Variants in TAFA1 observed in about 807,000 individuals in gnomAD.
TAFA1 encodes the protein TAFA chemokine like family member 1.
In TAFA1, 4 loss-of-function variants were observed where a neutral mutation model predicts 18.5. That is an observed-to-expected ratio of 0.22 (90% CI 0.11 to 0.49). The LOEUF (loss-of-function observed/expected upper bound fraction) is 0.49. Ranked by LOEUF, TAFA1 falls within the 20% of genes least tolerant of loss-of-function variation. TAFA1 has a pLI of 0.98. For synonymous variants in TAFA1, 56 were observed against 55.2 expected, an observed-to-expected ratio of 1.01 and a Z score of -0.06; for missense variants, 147 against 169.0, an observed-to-expected ratio of 0.87 and a Z score of 0.72.
At chr3:68,159,760 C>A (rs896069880) in intron 2 of TAFA1, among the ~76,000 whole-genome samples, 5 of 152,100 alleles carry the variant, frequency 3.3e-5, no homozygotes, top group Non-Finnish European at 7.4e-5. Flanking sequence ...CCATTAAAAC[C>A]TATTTATGCC....
intron 2 of TAFA1, among the ~76,000 whole-genome samples, chr3:68,057,184 A>G (rs1424579768): frequency 1.3e-5 from 2 of 152,322 alleles, no homozygotes; most frequent in East Asian, 3.9e-4. Flanking sequence ...TAGGAATAGA[A>G]ACTCATAGTT....
intron 3 of TAFA1, among the ~76,000 whole-genome samples, chr3:68,436,320 G>A (rs982776408): frequency 2.6e-5 from 4 of 151,952 alleles, no homozygotes; most frequent in Non-Finnish European, 5.9e-5. Flanking sequence ...TATGATCTAC[G>A]CAAGCTTTGA....
intron 3 of TAFA1, among the ~76,000 whole-genome samples, chr3:68,454,894 C>T (rs1033532711): frequency 1.3e-5 from 2 of 151,964 alleles, no homozygotes; most frequent in African/African-American, 2.4e-5. Context: ...ACAGTTGACT[C>T]CTGATCAACA....
At chr3:68,281,479 T>C (rs2067896196) in intron 2 of TAFA1, among the ~76,000 whole-genome samples, 1 of 149,132 alleles carries the variant, frequency 6.7e-6, no homozygotes, top group South Asian at 2.2e-4. Flanking sequence ...TTTTTTTTTT[T>C]TTTTTTTTGA....
At chr3:68,382,337 A>G (rs1181248043) in intron 2 of TAFA1, among the ~76,000 whole-genome samples, 1 of 152,108 alleles carries the variant, frequency 6.6e-6, no homozygotes, top group Non-Finnish European at 1.5e-5. Flanking sequence ...TGATTGGAAT[A>G]GTTTCAGAAG....
At chr3:68,338,979 G>A (rs527346793) in intron 2 of TAFA1, among the ~76,000 whole-genome samples, 1 of 152,210 alleles carries the variant, frequency 6.6e-6, no homozygotes, top group South Asian at 2.1e-4. Flanking sequence ...GTCGTCTCAT[G>A]GTCAATAACA....
chr3:68,071,041 T>A (rs2064748027), intron 2 of TAFA1, among the ~76,000 whole-genome samples: 1 of 152,214 alleles, frequency 6.6e-6, no homozygotes, highest in South Asian at 2.1e-4. Context: ...AGTTCCAAAT[T>A]CACTTCCACA....
chr3:68,177,410 T>G (rs1278104523), intron 2 of TAFA1, among the ~76,000 whole-genome samples: 1 of 152,202 alleles, frequency 6.6e-6, no homozygotes. Context: ...AAAAAAGTCC[T>G]GGAATTCTGT....
chr3:68,146,021 G>GT (rs1164806203), intron 2 of TAFA1, among the ~76,000 whole-genome samples: 14 of 152,120 alleles, frequency 9.2e-5, no homozygotes, highest in Non-Finnish European at 1.9e-4. Flanking sequence ...GATTTTATCA[G>GT]TTTTTTCCAT....
intron 2 of TAFA1, among the ~76,000 whole-genome samples, chr3:68,282,472 A>T (rs774587669): frequency 6.6e-6 from 1 of 152,198 alleles, no homozygotes; most frequent in Admixed American, 6.5e-5. Context: ...TGTATGACTT[A>T]CTTCTTAATA....
At chr3:68,120,725 A>G (rs1420732841) in intron 2 of TAFA1, among the ~76,000 whole-genome samples, 1 of 152,178 alleles carries the variant, frequency 6.6e-6, no homozygotes, top group African/African-American at 2.4e-5. Context: ...CTGCTGTTTT[A>G]TGAAAGTTTA....
chr3:68,325,914 C>T (rs2068770522), intron 2 of TAFA1, among the ~76,000 whole-genome samples: 1 of 152,134 alleles, frequency 6.6e-6, no homozygotes, highest in Non-Finnish European at 1.5e-5. Context: ...AAATCTGAGA[C>T]TGGAACCCAG....
intron 3 of TAFA1, among the ~76,000 whole-genome samples, chr3:68,439,666 G>C (rs2106863153): frequency 6.6e-6 from 1 of 151,736 alleles, no homozygotes; most frequent in East Asian, 1.9e-4. Context: ...TGGCTGTGCT[G>C]GTAGCTGATT....
chr3:68,258,702 A>T (rs2067346678), intron 2 of TAFA1, among the ~76,000 whole-genome samples: 2 of 152,180 alleles, frequency 1.3e-5, no homozygotes, highest in South Asian at 4.1e-4. Context: ...TTTATGCCTA[A>T]TATTGGAAAT....
intron 2 of TAFA1, among the ~76,000 whole-genome samples, chr3:68,014,284 G>A (rs1289191535): frequency 6.6e-6 from 1 of 152,300 alleles, no homozygotes; most frequent in East Asian, 1.9e-4. Flanking sequence ...AGGATCAGCA[G>A]GCCAGCAGGT....
intron 2 of TAFA1, among the ~76,000 whole-genome samples, chr3:68,210,254 C>T (rs1469252557): frequency 6.6e-6 from 1 of 151,948 alleles, no homozygotes; most frequent in Non-Finnish European, 1.5e-5. Context: ...GTCAGGAAAA[C>T]CAAGCTGTCT....
intron 2 of TAFA1, among the ~76,000 whole-genome samples, chr3:68,194,990 C>G (rs1306171562): frequency 6.6e-6 from 1 of 151,564 alleles, no homozygotes; most frequent in African/African-American, 2.4e-5. Context: ...CATTTAATTT[C>G]CTGTAATCCT....
At chr3:68,537,614 G>A (rs1004320625) in intron 3 of TAFA1, among the ~76,000 whole-genome samples, 2 of 152,116 alleles carry the variant, frequency 1.3e-5, no homozygotes, top group East Asian at 3.9e-4. Flanking sequence ...GAGAAAGCCT[G>A]GTTGTATCAG....
At chr3:68,460,626 G>A (rs2071757525) in intron 3 of TAFA1, among the ~76,000 whole-genome samples, 1 of 152,158 alleles carries the variant, frequency 6.6e-6, no homozygotes, top group South Asian at 2.1e-4. Context: ...CTTCCTAAGA[G>A]TGGAACCCAG....
Sources: gnomAD v4.1 joint callset for allele counts (sites outside exome capture counted in the v4.1 genomes callset) on GRCh38, gnomAD v4.1.1 for gene constraint, MANE v1.5 for transcripts, NCBI Gene and HGNC (gene_info 2026-07-23, HGNC 2026-07-21) for gene names.